SLCO6A1: variants seen among roughly 807,000 people sequenced by gnomAD.
The protein encoded by SLCO6A1 is cancer/testis antigen 48.
A neutral mutation model predicts 72.7 loss-of-function variants in SLCO6A1; 65 were observed. The ratio of observed to expected loss-of-function variants is 0.89; its 90% CI spans 0.73 to 1.10. The LOEUF (loss-of-function observed/expected upper bound fraction) is 1.10. SLCO6A1 is among the 50% of genes least tolerant of loss of function. The pLI, the probability that SLCO6A1 is intolerant of heterozygous loss-of-function variation, is 0.00. For synonymous variants in SLCO6A1, 314 were observed against 298.2 expected, an observed-to-expected ratio of 1.05 and a Z score of -0.55; for missense variants, 874 against 872.6, an observed-to-expected ratio of 1.00 and a Z score of -0.02.
Position 102,458,464 on chromosome 5 carries a change from C to A in SLCO6A1, c.1049G>T (p.Arg350Leu). 1 of 1,612,474 alleles carries A rather than the reference C, an allele frequency of 6.2e-7. No individual in the cohort carries two copies. The highest frequency in any genetic ancestry group is 8.5e-7 in the Non-Finnish European group (1 of 1,179,178). Residue 350 changes from arginine to leucine, a missense_variant, in exon 6 of 14, where the codon CGT becomes CTT. Arg to Leu is a moderately radical substitution (Grantham distance 102, BLOSUM62 -2). Coordinates refer to ENST00000506729, the MANE Select transcript of SLCO6A1 (RefSeq NM_173488.5). Reference protein sequence around the residue: ...PGSTRIKARKRKQLHFFDSRL... With the variant: ...PGSTRIKARKLKQLHFFDSRL... ...GCTGTCAAAAAAATGAAGCTGTTTACGTTTCCTAGCTTTTATCCGTGTTGA... is the reference window on the plus strand; with the variant it reads ...GCTGTCAAAAAAATGAAGCTGTTTAAGTTTCCTAGCTTTTATCCGTGTTGA...
intron 1 of SLCO6A1, among the ~76,000 whole-genome samples, chr5:102,495,905 C>T (rs1273483906): frequency 6.6e-6 from 1 of 152,010 alleles, no homozygotes; most frequent in Non-Finnish European, 1.5e-5. Flanking sequence ...ACATAAGAAA[C>T]AAGAAGAAAG....
intron 6 of SLCO6A1, among the ~76,000 whole-genome samples, chr5:102,445,967 T>C (rs1235839435): frequency 1.3e-5 from 2 of 152,164 alleles, no homozygotes; most frequent in African/African-American, 2.4e-5. Context: ...TTTAGGAGCC[T>C]TGTAGTACAT....
chr5:102,395,186 C>T (rs959346386), intron 10 of SLCO6A1, among the ~76,000 whole-genome samples: 8 of 151,960 alleles, frequency 5.3e-5, no homozygotes, highest in African/African-American at 1.9e-4. Flanking sequence ...GCTATCCCTC[C>T]CACCTCCCCC....
At chr5:102,423,554 T>C (rs1748725031) in intron 7 of SLCO6A1, among the ~76,000 whole-genome samples, 1 of 152,036 alleles carries the variant, frequency 6.6e-6, no homozygotes, top group South Asian at 2.1e-4. Context: ...GGTAAAGGGA[T>C]CAATGCAACA....
At chr5:102,469,974 G>C (rs551143362) in intron 4 of SLCO6A1, among the ~76,000 whole-genome samples, 1 of 152,074 alleles carries the variant, frequency 6.6e-6, no homozygotes, top group South Asian at 2.1e-4. Flanking sequence ...ATTGATTTGC[G>C]TATGTTGAAC....
At chr5:102,405,723 C>G (rs990084808) in intron 9 of SLCO6A1, among the ~76,000 whole-genome samples, 2 of 152,026 alleles carry the variant, frequency 1.3e-5, no homozygotes, top group Admixed American at 1.3e-4. Flanking sequence ...GAGCGAAACT[C>G]ACATCTTCAT....
intron 8 of SLCO6A1, among the ~76,000 whole-genome samples, chr5:102,419,132 T>C (rs944479824): frequency 6.6e-6 from 1 of 152,176 alleles, no homozygotes; most frequent in African/African-American, 2.4e-5. Context: ...CTCCTCTCCA[T>C]GGTTTGCCTT....
chr5:102,429,481 T>G (rs1031101600), intron 7 of SLCO6A1, among the ~76,000 whole-genome samples: 2 of 152,190 alleles, frequency 1.3e-5, no homozygotes, highest in Non-Finnish European at 2.9e-5. Context: ...GATTTTTGTA[T>G]ATGGTATAAA....
chr5:102,451,863 A>G (rs772260013), intron 6 of SLCO6A1, among the ~76,000 whole-genome samples: 1 of 152,206 alleles, frequency 6.6e-6, no homozygotes, highest in Non-Finnish European at 1.5e-5. Flanking sequence ...AGCTGCTTCT[A>G]GTCAGACATC....
chr5:102,411,651 TG>T lies in SLCO6A1; in HGVS notation c.1626+1338del, dbSNP rs771465400. Among the ~76,000 whole-genome samples, 1,230 of 152,086 alleles carry T rather than the reference TG, an allele frequency of 8.1e-3. 11 individuals are homozygous for T. Among genetic ancestry groups the T allele is most frequent in the Non-Finnish European group, 0.015 (1,005 of 67,980 alleles). On this transcript the variant is annotated intron_variant, in intron 9 of 13. Coordinates refer to ENST00000506729, the MANE Select transcript of SLCO6A1 (RefSeq NM_173488.5). Reference sequence around the variant, plus strand: ...CCTATCTAAGGGATCTGGGGACTCATGCCCTTCAAACCATAAATTCTCATCA... The same window carrying T: ...CCTATCTAAGGGATCTGGGGACTCATCCCTTCAAACCATAAATTCTCATCA...
chr5:102,379,145 C>T (rs1280161138), intron 12 of SLCO6A1, among the ~76,000 whole-genome samples: 1 of 152,076 alleles, frequency 6.6e-6, no homozygotes, highest in East Asian at 1.9e-4. Context: ...CTTTTATCCA[C>T]TTTTTTGTAA....
In SLCO6A1 at chr5:102,493,230, C is replaced by T. The variant is rs1580531129; in HGVS notation, c.358+5257G>A. Among the ~76,000 whole-genome samples, 4 of 152,202 alleles carry T rather than the reference C, an allele frequency of 2.6e-5. No homozygotes were observed. In the South Asian group the frequency reaches 6.2e-4, roughly 24 times the overall value. On this transcript the variant is annotated intron_variant, in intron 1 of 13. Transcript: ENST00000506729. ...TCTAAGAAAACTGTAGAACAATACT[C>T]GCACAGAAACAAAAATTTTTAACAA...
intron 6 of SLCO6A1, among the ~76,000 whole-genome samples, chr5:102,457,419 AC>A (rs1750786361): frequency 6.6e-6 from 1 of 151,958 alleles, no homozygotes; most frequent in East Asian, 1.9e-4. Context: ...AAAAAAAACA[AC>A]CCCATCAAAA....
chr5:102,400,664 T>G (rs968604056), intron 9 of SLCO6A1, among the ~76,000 whole-genome samples: 1 of 152,044 alleles, frequency 6.6e-6, no homozygotes, highest in African/African-American at 2.4e-5. Flanking sequence ...TACAATAAAT[T>G]TAGCAGAAAT....
chr5:102,493,067 A>T (rs970924953), intron 1 of SLCO6A1, among the ~76,000 whole-genome samples: 2 of 151,904 alleles, frequency 1.3e-5, no homozygotes, highest in African/African-American at 4.8e-5. Context: ...AAAGTGTATT[A>T]AAAAAAATAC....
At chr5:102,408,528 G>GA (rs1175815534) in intron 9 of SLCO6A1, among the ~76,000 whole-genome samples, 1 of 151,996 alleles carries the variant, frequency 6.6e-6, no homozygotes, top group African/African-American at 2.4e-5. Flanking sequence ...AAAACAAAGA[G>GA]AAAATCCTAA....
Position 102,386,235 on chromosome 5 carries a change from C to T in SLCO6A1, c.2017+2453G>A, listed in dbSNP as rs77597367. 5.0e-3 allele frequency among the ~76,000 whole-genome samples: 758 copies of T among 152,246 alleles called. 3 individuals carry two copies. The highest frequency in any genetic ancestry group is 0.027 in the Middle Eastern group (8 of 294). ...GGCCTGGATCCTGTGTTCACCTTGG[C>T]TAGCCTGGTGCCAAGGTCCACTGAG... On this transcript the variant is annotated intron_variant, in intron 12 of 13. Transcript: ENST00000506729.
At chr5:102,386,621 C>A (rs1439306326) in intron 12 of SLCO6A1, among the ~76,000 whole-genome samples, 1 of 152,118 alleles carries the variant, frequency 6.6e-6, no homozygotes, top group East Asian at 1.9e-4. Context: ...AGTTCCCAGC[C>A]CAGTGCCTAG....
chr5:102,397,025 G>A (rs1449465645), intron 10 of SLCO6A1, among the ~76,000 whole-genome samples: 2 of 152,040 alleles, frequency 1.3e-5, no homozygotes, highest in Non-Finnish European at 2.9e-5. Flanking sequence ...GTTACAGTGT[G>A]GATTAAGTTG....
Sources: gnomAD v4.1 joint callset for allele counts (sites outside exome capture counted in the v4.1 genomes callset) on GRCh38, gnomAD v4.1.1 for gene constraint, MANE v1.5 for transcripts, NCBI Gene and HGNC (gene_info 2026-07-23, HGNC 2026-07-21) for gene names.